Variants in HIF3A observed in about 807,000 individuals in gnomAD.
HIF3A encodes hypoxia-inducible factor 3-alpha.
HIF3A carries 41 observed loss-of-function variants against 67.2 expected under a neutral mutation model. The ratio of observed to expected loss-of-function variants is 0.61; its 90% confidence interval spans 0.48 to 0.79. HIF3A has a LOEUF of 0.79. Among genes scored for constraint, HIF3A ranks in the 30% least tolerant of loss-of-function variants. The pLI, the probability that HIF3A is intolerant of heterozygous loss-of-function variation, is 0.00. For synonymous variants in HIF3A, 356 were observed against 374.8 expected, an observed-to-expected ratio of 0.95 and a Z score of 0.58; for missense variants, 855 against 898.0, an observed-to-expected ratio of 0.95 and a Z score of 0.61.
intron 12 of HIF3A, among the ~76,000 whole-genome samples, chr19:46,330,703 A>G (rs1971145714): frequency 7.0e-6 from 1 of 143,722 alleles, no homozygotes; most frequent in Admixed American, 7.0e-5. Context: ...GAATCAATGG[A>G]TTAATGGATG....
chr19:46,335,875 C>T (rs1295303460), intron 14 of HIF3A, among the ~76,000 whole-genome samples: 2 of 151,718 alleles, frequency 1.3e-5, no homozygotes, highest in African/African-American at 4.8e-5. Context: ...CCCGTCTCTA[C>T]AAAAAATTTT....
intron 13 of HIF3A, among the ~76,000 whole-genome samples, chr19:46,333,303 A>G (rs974479011): frequency 3.3e-5 from 5 of 152,164 alleles, no homozygotes; most frequent in African/African-American, 9.7e-5. Flanking sequence ...AGGTGTTAAC[A>G]TAGTGTAGGG....
intron 1 of HIF3A, among the ~76,000 whole-genome samples, chr19:46,302,191 G>A (rs559009283): frequency 1.6e-4 from 24 of 151,032 alleles, no homozygotes; most frequent in African/African-American, 5.1e-4. Context: ...GTATAGTGGC[G>A]CGATCTTGGC....
At chr19:46,322,633 G>T (rs890212713) in intron 10 of HIF3A, among the ~76,000 whole-genome samples, 1 of 152,002 alleles carries the variant, frequency 6.6e-6, no homozygotes, top group Admixed American at 6.6e-5. Flanking sequence ...TAGAGGCAGG[G>T]TTTCACCATG....
chr19:46,328,691 G>C (rs1242026092), intron 11 of HIF3A, among the ~76,000 whole-genome samples: 1 of 151,160 alleles, frequency 6.6e-6, no homozygotes, highest in Non-Finnish European at 1.5e-5. Context: ...TCAATGTTCA[G>C]ATTTTGACCA....
intron 6 of HIF3A, 105 bp from the exon 7 acceptor site, chr19:46,312,056 A>G (rs775321097): frequency 2.3e-6 from 2 of 851,348 alleles, no homozygotes; most frequent in South Asian, 2.6e-5. Context: ...CCTTCTCGAC[A>G]TCTTGCTGGC....
At chr19:46,302,453 C>T (rs1330951302) in intron 1 of HIF3A, among the ~76,000 whole-genome samples, 6 of 151,762 alleles carry the variant, frequency 4.0e-5, no homozygotes, top group African/African-American at 1.2e-4. Context: ...TTTTTAGAGA[C>T]GGAGCCTTGC....
At chr19:46,309,036 T>G in intron 5 of HIF3A, 115 bp from the exon 6 acceptor site, 1 of 887,600 alleles carries the variant, frequency 1.1e-6, no homozygotes, top group Non-Finnish European at 1.7e-6. Context: ...ACCTGAAGTC[T>G]TCATGGGGTT....
At chr19:46,331,337 T>G in intron 13 of HIF3A, 64 bp downstream of exon 13, 1 of 1,331,408 alleles carries the variant, frequency 7.5e-7, no homozygotes, top group Non-Finnish European at 1.1e-6. Flanking sequence ...ACCTACTGTT[T>G]TATAGATAGG....
intron 14 of HIF3A, among the ~76,000 whole-genome samples, chr19:46,337,855 G>A (rs759403482): frequency 6.6e-6 from 1 of 152,150 alleles, no homozygotes; most frequent in African/African-American, 2.4e-5. Flanking sequence ...ACAGGCCTTT[G>A]TGTCATAATT....
At chr19:46,323,443 G>C (rs1160775534) in intron 10 of HIF3A, among the ~76,000 whole-genome samples, 1 of 152,148 alleles carries the variant, frequency 6.6e-6, no homozygotes, top group Admixed American at 6.6e-5. Context: ...GAAGGCTGGA[G>C]AGGTTCTGTT....
intron 8 of HIF3A, among the ~76,000 whole-genome samples, chr19:46,316,389 A>G (rs1433210065): frequency 6.6e-6 from 1 of 152,088 alleles, no homozygotes; most frequent in Non-Finnish European, 1.5e-5. Context: ...TAGTCATTCT[A>G]ATAGATGTGC....
chr19:46,299,514 C>G (rs1968145203), intron 1 of HIF3A, among the ~76,000 whole-genome samples: 1 of 151,990 alleles, frequency 6.6e-6, no homozygotes, highest in Non-Finnish European at 1.5e-5. Context: ...GAGTTCAAGA[C>G]CAGCCTGGGC....
Position 46,305,147 on chromosome 19 carries a change from T to C in HIF3A, c.218-98T>C, listed in dbSNP as rs766257979. On this transcript the variant is annotated intron_variant, in intron 2 of 14. Coordinates refer to ENST00000377670, the MANE Select transcript of HIF3A (RefSeq NM_152795.4). ...CCTTGGGGGTGCATGTAAGTTTCTC[T>C]GAATGAGGAAAGGCAGAGGGAGGCT... 6.4e-6 allele frequency: 10 copies of C among 1,566,146 alleles called. No homozygotes were observed. In the South Asian group the frequency reaches 1.0e-4, roughly 16 times the overall value.
At position 46,308,317 on chromosome 19, in the gene HIF3A, G is replaced by A; in HGVS notation, c.448+12G>A. On this transcript the variant is annotated intron_variant, in intron 4 of 14. Transcript: ENST00000377670. ...GACCCCCCAGCAGAGTGAGTTCCCT[G>A]GAGGCCTCTGTCCCCACCATACAGA... The A allele has an allele frequency of 6.4e-7, 1 of 1,569,598 alleles. No homozygotes were observed.
intron 9 of HIF3A, 82 bp from the exon 10 acceptor site, chr19:46,321,694 T>C: frequency 8.1e-7 from 1 of 1,238,492 alleles, no homozygotes; most frequent in East Asian, 2.3e-5. Flanking sequence ...GTCAACTGTG[T>C]TCCTGGGGTT....
intron 2 of HIF3A, among the ~76,000 whole-genome samples, chr19:46,304,630 G>A (rs1345910709): frequency 6.6e-6 from 1 of 151,858 alleles, no homozygotes; most frequent in African/African-American, 2.4e-5. Context: ...ACGTGCACGC[G>A]CGCGTGCACA....
chr19:46,327,029 C>A (rs1298136288), intron 11 of HIF3A, among the ~76,000 whole-genome samples: 1 of 152,080 alleles, frequency 6.6e-6, no homozygotes, highest in East Asian at 1.9e-4. Context: ...GTGGCACATG[C>A]CTGTAATCCC....
chr19:46,324,268 ATGAGAAGCACTCAG>A (rs1467675815), intron 10 of HIF3A, among the ~76,000 whole-genome samples: 3 of 152,226 alleles, frequency 2.0e-5, no homozygotes, highest in East Asian at 1.9e-4. Flanking sequence ...GACAGTATTC[ATGAGAAGCACTCAG>A]TAGGGGCCTG....
Sources: allele counts gnomAD v4.1 joint callset (sites outside exome capture counted in the v4.1 genomes callset), GRCh38; gene constraint gnomAD v4.1.1; transcripts MANE v1.5; gene names NCBI Gene and HGNC (gene_info 2026-07-23, HGNC 2026-07-21).